The following COL22A1 variants were observed in gnomAD, a reference collection of about 807,000 sequenced individuals.
COL22A1 encodes collagen type XXII alpha 1 chain.
COL22A1 carries 221 observed loss-of-function variants against 248.9 expected under a neutral mutation model. That is an observed-to-expected ratio of 0.89 (90% CI 0.80 to 0.99). The LOEUF (loss-of-function observed/expected upper bound fraction) is 0.99, where lower values mean the gene tolerates loss of function less well. Ranked by LOEUF, COL22A1 falls within the 50% of genes least tolerant of loss-of-function variation. The pLI is 0.00. For synonymous variants in COL22A1, 891 were observed against 793.4 expected (o/e 1.12, Z -2.07); for missense variants, 2,240 against 2,179.0 (o/e 1.03, Z -0.56).
chr8:138,724,501 A>G, intron 25 of COL22A1, 114 bp downstream of exon 25: 1 of 994,936 alleles, frequency 1.0e-6, no homozygotes, highest in South Asian at 1.4e-5. Flanking sequence ...TTGCTGGCCA[A>G]GGAGTCCTCA....
rs1252355837 is a variant in COL22A1, at chr8:138,782,791, C to A, written c.1597-1811G>T. Among the ~76,000 whole-genome samples the A allele has an allele frequency of 3.9e-5, 6 of 152,272 alleles. No homozygotes were observed. The South Asian group carries it at 8.3e-4, about 21-fold the overall frequency. ...CAGAATTGGGCTTCCTGGTACTGTC[C>A]GTTCTCCCAGTGACCCAGGCCCACG... On this transcript the variant is annotated intron_variant, in intron 12 of 64. Coordinates refer to ENST00000303045, the MANE Select transcript of COL22A1 (RefSeq NM_152888.3).
chr8:138,594,584 C>T (rs183091555), intron 62 of COL22A1, among the ~76,000 whole-genome samples: 13 of 152,206 alleles, frequency 8.5e-5, no homozygotes, highest in African/African-American at 1.2e-4. Flanking sequence ...TCCCTTTCTA[C>T]GCAATGGAGA....
chr8:138,619,543 A>G, intron 52 of COL22A1, 35 bp from the exon 53 acceptor site: 1 of 1,594,940 alleles, frequency 6.3e-7, no homozygotes, highest in Non-Finnish European at 8.6e-7. Flanking sequence ...GTTTGAGGAC[A>G]ACATTGTAAG....
At chr8:138,813,695 C>T (rs778878650) in intron 7 of COL22A1, among the ~76,000 whole-genome samples, 3 of 150,106 alleles carry the variant, frequency 2.0e-5, no homozygotes, top group Non-Finnish European at 3.0e-5. Context: ...GCGTTTCGTT[C>T]TACACTGAAG....
At chr8:138,739,101 A>G (rs964791069) in intron 22 of COL22A1, among the ~76,000 whole-genome samples, 1 of 152,178 alleles carries the variant, frequency 6.6e-6, no homozygotes, top group African/African-American at 2.4e-5. Flanking sequence ...CCAGGATGAT[A>G]TCATTAAAAC....
At chr8:138,698,550 G>A (rs144453442) in intron 32 of COL22A1, among the ~76,000 whole-genome samples, 12 of 152,358 alleles carry the variant, frequency 7.9e-5, no homozygotes, top group African/African-American at 2.9e-4. Flanking sequence ...AGACAGGGTG[G>A]CAGAAAGGTA....
intron 49 of COL22A1, among the ~76,000 whole-genome samples, chr8:138,634,665 TTC>T (rs1365151337): frequency 2.6e-5 from 4 of 152,116 alleles, no homozygotes; most frequent in Non-Finnish European, 5.9e-5. Flanking sequence ...TGCTTACAAT[TTC>T]TCATTTTCTA....
At chr8:138,670,572 G>A (rs1226203460) in intron 41 of COL22A1, among the ~76,000 whole-genome samples, 2 of 151,982 alleles carry the variant, frequency 1.3e-5, no homozygotes, top group African/African-American at 2.4e-5. Flanking sequence ...AAAGGAACTG[G>A]ACTAAAGCAG....
chr8:138,667,803 C>A (rs1200577430), intron 41 of COL22A1, among the ~76,000 whole-genome samples: 1 of 152,058 alleles, frequency 6.6e-6, no homozygotes, highest in Admixed American at 6.5e-5. Flanking sequence ...GTGAATGCAT[C>A]ACAAAGAGGC....
chr8:138,673,211 A>ATTT lies in COL22A1; in HGVS notation c.3150+3344_3150+3346dup, dbSNP rs5895548. ...AGAGTAACTTACTTACAGCCGATCT[A>ATTT]TTTTTTTTTTTTTTTTTTAGACAGA... On this transcript the variant is annotated intron_variant, in intron 41 of 64. Transcript: ENST00000303045. Among the ~76,000 whole-genome samples the ATTT allele has an allele frequency of 1.8e-3, 244 of 138,314 alleles. 5 individuals are homozygous for ATTT. The highest frequency in any genetic ancestry group is 2.2e-3 in the Non-Finnish European group (143 of 64,186). 90.7% of individuals were successfully genotyped at this position (138,314 alleles called of 152,430 possible). A position where few individuals can be genotyped will look rare whatever the true frequency, so the allele number is the denominator to read the frequency against.
At chr8:138,904,418 C>G (rs1190905417) in intron 1 of COL22A1, among the ~76,000 whole-genome samples, 1 of 152,108 alleles carries the variant, frequency 6.6e-6, no homozygotes, top group Non-Finnish European at 1.5e-5. Flanking sequence ...GTTGAAGAGG[C>G]AGCACAGATG....
At position 138,821,125 on chromosome 8, in the gene COL22A1, C is replaced by G. The variant is rs2131749967; in HGVS notation, c.1245+11G>C. ...TGGAACCTGGGCTGCAGAAGGCCCCCTGGTACTCACGTCAATGGGCACACT... is the reference window on the plus strand; with the variant it reads ...TGGAACCTGGGCTGCAGAAGGCCCCGTGGTACTCACGTCAATGGGCACACT... On this transcript the variant is annotated intron_variant, in intron 7 of 64. Coordinates refer to ENST00000303045, the MANE Select transcript of COL22A1 (RefSeq NM_152888.3). The G allele has an allele frequency of 6.2e-7, 1 of 1,610,112 alleles. No homozygotes were observed. Among genetic ancestry groups the G allele is most frequent in the Non-Finnish European group, 8.5e-7 (1 of 1,176,586 alleles).
At position 138,598,831 on chromosome 8, in the gene COL22A1, A is replaced by G. The variant is rs1817759431; in HGVS notation, c.4253T>C (p.Ile1418Thr). ...GCCTGTGTGGCCTTTGTGGCCTGGG[A>G]TTCCAGGGTCCCCAGGCTGGCCTTT... The part of the protein sequence containing the change: ...GGKGQPGDPG[I>T]PGHKGHTGLM... Residue 1418 changes from isoleucine (I) to threonine (T), a missense_variant, in exon 61 of 65, where the codon ATC becomes ACC. Physicochemically the swap from Ile to Thr is moderately conservative, Grantham distance 89. Coordinates refer to ENST00000303045, the MANE Select transcript of COL22A1 (RefSeq NM_152888.3). 6.2e-7 allele frequency: 1 copy of G among 1,613,978 alleles called. No individual in the cohort carries two copies. The highest frequency in any genetic ancestry group is 8.5e-7 in the Non-Finnish European group (1 of 1,180,022).
chr8:138,703,486 A>G, intron 30 of COL22A1, 139 bp from the exon 31 acceptor site: 1 of 672,538 alleles, frequency 1.5e-6, no homozygotes, highest in Non-Finnish European at 2.7e-6. Flanking sequence ...TGCACCCTGC[A>G]CCTACCTTGA....
chr8:138,833,843 GTGTA>G (rs780000657), intron 4 of COL22A1, among the ~76,000 whole-genome samples: 8 of 152,286 alleles, frequency 5.3e-5, no homozygotes, highest in Admixed American at 2.6e-4. Context: ...GAGCGGCCAT[GTGTA>G]TGTGACACTG....
intron 15 of COL22A1, among the ~76,000 whole-genome samples, chr8:138,776,691 C>G (rs1814492319): frequency 6.6e-6 from 1 of 151,984 alleles, no homozygotes; most frequent in Admixed American, 6.6e-5. Flanking sequence ...TGATAATACT[C>G]AGCCCTGAAC....
intron 3 of COL22A1, among the ~76,000 whole-genome samples, chr8:138,875,854 G>T (rs1823678400): frequency 6.6e-6 from 1 of 152,152 alleles, no homozygotes; most frequent in Admixed American, 6.5e-5. Context: ...GTCACGTATG[G>T]GAAGTCCACA....
At chr8:138,766,296 G>C (rs116842429) in intron 16 of COL22A1, among the ~76,000 whole-genome samples, 1,562 of 152,304 alleles carry the variant, frequency 0.01, 10 homozygotes, top group Admixed American at 0.022. Context: ...CTGGACCTGG[G>C]GGCAGCAGTC....
At chr8:138,730,088 A>G (rs1830598807) in intron 23 of COL22A1, among the ~76,000 whole-genome samples, 1 of 152,212 alleles carries the variant, frequency 6.6e-6, no homozygotes, top group African/African-American at 2.4e-5. Context: ...TGAATTTCCT[A>G]AAGCACTGAC....
Sources: gnomAD v4.1 joint callset for allele counts (sites outside exome capture counted in the v4.1 genomes callset) on GRCh38, gnomAD v4.1.1 for gene constraint, MANE v1.5 for transcripts, NCBI Gene and HGNC (gene_info 2026-07-23, HGNC 2026-07-21) for gene names.